The following NCOR2 variants were observed in gnomAD, a reference collection of about 807,000 sequenced individuals.
NCOR2 encodes nuclear receptor corepressor 2.
Under a neutral mutation model 262.9 loss-of-function variants are expected in NCOR2, and 81 were observed. The ratio of observed to expected loss-of-function variants is 0.31; its 90% CI spans 0.26 to 0.37. The LOEUF is 0.37. Among genes scored for constraint, NCOR2 ranks in the 10% least tolerant of loss-of-function variants. NCOR2 has a pLI of 1.00. For missense variants in NCOR2, 3,385 were observed against 3,621.4 expected, an observed-to-expected ratio of 0.93 and a Z score of 1.68; for synonymous variants, 1,659 against 1,559.3, an observed-to-expected ratio of 1.06 and a Z score of -1.51.
At chr12:124,332,865 G>C (rs1425927240) in intron 42 of NCOR2, among the ~76,000 whole-genome samples, 1 of 152,122 alleles carries the variant, frequency 6.6e-6, no homozygotes, top group East Asian at 1.9e-4. Context: ...TTATTTCTTA[G>C]AGGTTCAACA....
intron 13 of NCOR2, among the ~76,000 whole-genome samples, chr12:124,411,781 G>A (rs985813538): frequency 2.0e-5 from 3 of 152,250 alleles, no homozygotes; most frequent in Non-Finnish European, 4.4e-5. Flanking sequence ...ATGGGGCTCG[G>A]AGCCCAAGAG....
intron 11 of NCOR2, among the ~76,000 whole-genome samples, chr12:124,424,267 A>G (rs2293515): frequency 0.22 from 32,939 of 152,138 alleles, 4,232 homozygotes; most frequent in East Asian, 0.39. Context: ...GGGAACGTGA[A>G]TCTCAAACGC....
At chr12:124,384,059 G>C (rs1565895428) in intron 17 of NCOR2, among the ~76,000 whole-genome samples, 1 of 152,152 alleles carries the variant, frequency 6.6e-6, no homozygotes, top group African/African-American at 2.4e-5. Flanking sequence ...GGAGGAGAGA[G>C]AAAGTGAAAG....
chr12:124,444,300 G>A (rs931667054), intron 7 of NCOR2, among the ~76,000 whole-genome samples: 6 of 152,164 alleles, frequency 3.9e-5, no homozygotes, highest in African/African-American at 1.4e-4. Flanking sequence ...CTCATGGGGT[G>A]CAAAGAAGTC....
At chr12:124,560,538 C>T (rs1349128002) in intron 1 of NCOR2, among the ~76,000 whole-genome samples, 5 of 152,222 alleles carry the variant, frequency 3.3e-5, no homozygotes, top group East Asian at 1.9e-4. Context: ...TTGCTTTCTA[C>T]GTTCCACAAT....
intron 4 of NCOR2, among the ~76,000 whole-genome samples, chr12:124,467,759 TCAC>T (rs1423992098): frequency 2.1e-5 from 2 of 97,078 alleles, no homozygotes; most frequent in African/African-American, 4.0e-5. Context: ...CTCATCTTCA[TCAC>T]CCCCATCACC....
At chr12:124,520,963 G>A (rs2050151392) in intron 1 of NCOR2, among the ~76,000 whole-genome samples, 1 of 152,186 alleles carries the variant, frequency 6.6e-6, no homozygotes. Flanking sequence ...TCTGGAAAGG[G>A]GCAGGGGGAC....
chr12:124,500,942 T>C (rs987614864), intron 1 of NCOR2, among the ~76,000 whole-genome samples: 4 of 152,128 alleles, frequency 2.6e-5, no homozygotes, highest in African/African-American at 9.7e-5. Flanking sequence ...GTGCCTGAAA[T>C]GTTCTGGGAA....
chr12:124,467,796 C>A (rs1293320354), intron 4 of NCOR2, among the ~76,000 whole-genome samples: 2 of 79,804 alleles, frequency 2.5e-5, no homozygotes, highest in African/African-American at 8.6e-5. Flanking sequence ...TCCTCATCAC[C>A]CCCATCATCC....
At chr12:124,341,993 T>C in exon 34 of NCOR2, 1 of 1,613,254 alleles carries the variant, frequency 6.2e-7, no homozygotes, top group Non-Finnish European at 8.5e-7. Context: ...CGTGTCGGGG[T>C]AGCCGCGGAT....
intron 1 of NCOR2, among the ~76,000 whole-genome samples, chr12:124,493,645 T>C (rs1251057474): frequency 6.6e-6 from 1 of 152,186 alleles, no homozygotes; most frequent in Non-Finnish European, 1.5e-5. Context: ...ACTCAGGGCT[T>C]TGAACAACAT....
At chr12:124,328,054 G>A (rs2034842414) in intron 44 of NCOR2, among the ~76,000 whole-genome samples, 1 of 152,080 alleles carries the variant, frequency 6.6e-6, no homozygotes. Flanking sequence ...TTAATGGAGA[G>A]GGTGGGAGAT....
At chr12:124,476,224 C>T (rs2047092615) in intron 3 of NCOR2, among the ~76,000 whole-genome samples, 1 of 152,222 alleles carries the variant, frequency 6.6e-6, no homozygotes, top group Admixed American at 6.5e-5. Flanking sequence ...CCCTTCTGTG[C>T]CAACTGACGT....
chr12:124,515,752 A>T (rs1183828096), intron 1 of NCOR2, among the ~76,000 whole-genome samples: 3 of 151,730 alleles, frequency 2.0e-5, no homozygotes, highest in Non-Finnish European at 1.5e-5. Context: ...GTGTGAGTAT[A>T]CATGTGGGTG....
intron 1 of NCOR2, among the ~76,000 whole-genome samples, chr12:124,492,204 T>C (rs1434427081): frequency 6.6e-6 from 1 of 152,204 alleles, no homozygotes; most frequent in Non-Finnish European, 1.5e-5. Flanking sequence ...TGCTTGGGTC[T>C]CCTGCCACCC....
At position 124,422,447 on chromosome 12, in the gene NCOR2, G is replaced by A. The variant is rs368732727; in HGVS notation, c.1383+54C>T. 4.0e-5 allele frequency: 64 copies of A among 1,605,998 alleles called. No individual in the cohort carries two copies. In the African/African-American group the frequency reaches 5.6e-4, roughly 14 times the overall value. ...GGGAGGGCCTCCACCCTGAGTCCAC[G>A]CAGTTGCCCACGGAGGTGGAGACCG... On this transcript the variant is annotated intron_variant, in intron 12 of 46. Transcript: ENST00000405201.
chr12:124,400,724 A>T lies in NCOR2; in HGVS notation c.1641-51T>A, dbSNP rs2041946169. 8 of 1,598,652 alleles carry T rather than the reference A, an allele frequency of 5.0e-6. 1 individual carries two copies. In the South Asian group the frequency reaches 8.8e-5, roughly 18 times the overall value. ...ATGGCTTCACCCGAGCCGGGAAATCAAACAGCCACTGGAGGAGACTGTTTC... is the reference window on the plus strand; with the variant it reads ...ATGGCTTCACCCGAGCCGGGAAATCTAACAGCCACTGGAGGAGACTGTTTC... On this transcript the variant is annotated intron_variant, in intron 14 of 46. Transcript: ENST00000405201.
intron 17 of NCOR2, among the ~76,000 whole-genome samples, chr12:124,382,166 CAG>C (rs2040457770): frequency 6.6e-6 from 1 of 152,204 alleles, no homozygotes; most frequent in African/African-American, 2.4e-5. Flanking sequence ...CTGAAAGGCA[CAG>C]GGGAGGGGCA....
At chr12:124,377,123 CT>C (rs1314963603) in intron 18 of NCOR2, among the ~76,000 whole-genome samples, 4 of 152,210 alleles carry the variant, frequency 2.6e-5, no homozygotes, top group Non-Finnish European at 5.9e-5. Flanking sequence ...TCTATACACA[CT>C]GATAACAAAG....
Sources: allele counts gnomAD v4.1 joint callset (sites outside exome capture counted in the v4.1 genomes callset), GRCh38; gene constraint gnomAD v4.1.1; transcripts MANE v1.5; gene names NCBI Gene and HGNC (gene_info 2026-07-23, HGNC 2026-07-21).